The following RB1 variants were observed in gnomAD, a reference collection of about 807,000 sequenced individuals.
The protein encoded by RB1 is RB transcriptional corepressor 1.
RB1 carries 18 observed loss-of-function variants against 135.4 expected under a neutral mutation model. The observed-to-expected ratio is 0.13, with a 90% CI of 0.09 to 0.20. The LOEUF (loss-of-function observed/expected upper bound fraction) is 0.20. Ranked by LOEUF, RB1 falls within the 10% of genes least tolerant of loss-of-function variation. The pLI, the probability that RB1 is intolerant of heterozygous loss-of-function variation, is 1.00. For synonymous variants in RB1, 365 were observed against 373.2 expected (o/e 0.98, Z 0.25); for missense variants, 868 against 1,110.0 (o/e 0.78, Z 3.10).
chr13:48,439,093 G>A (rs769452039), intron 17 of RB1, among the ~76,000 whole-genome samples: 2 of 152,120 alleles, frequency 1.3e-5, no homozygotes, highest in South Asian at 4.1e-4. Context: ...GCAAAGGAAC[G>A]TGACTCCCAT....
At chr13:48,414,888 A>C (rs1948881742) in intron 17 of RB1, among the ~76,000 whole-genome samples, 1 of 152,224 alleles carries the variant, frequency 6.6e-6, no homozygotes, top group African/African-American at 2.4e-5. Flanking sequence ...TGTTCTTATT[A>C]GAAGGCTGGT....
At chr13:48,348,821 C>A in intron 5 of RB1, 135 bp from the exon 6 acceptor site, 4 of 963,340 alleles carry the variant, frequency 4.2e-6, no homozygotes, top group Non-Finnish European at 5.9e-6. Context: ...AAATGGACTG[C>A]ATTCTATTAT....
chr13:48,368,691 A>T, intron 11 of RB1, 87 bp downstream of exon 11: 1 of 1,519,062 alleles, frequency 6.6e-7, no homozygotes, highest in Non-Finnish European at 8.9e-7. Context: ...TTCTTTATGT[A>T]TTCATACATA....
intron 17 of RB1, among the ~76,000 whole-genome samples, chr13:48,413,431 G>T (rs1191593467): frequency 6.6e-6 from 1 of 152,142 alleles, no homozygotes; most frequent in Non-Finnish European, 1.5e-5. Flanking sequence ...TTGTTTTCGT[G>T]TTTGGGATAT....
At chr13:48,320,363 C>A in intron 2 of RB1, 1 of 1,235,048 alleles carries the variant, frequency 8.1e-7, no homozygotes, top group Non-Finnish European at 1.2e-6. Context: ...ACGCTCTCCA[C>A]CCCCTCGTCA....
At chr13:48,472,360 C>G (rs1949476280) in intron 23 of RB1, among the ~76,000 whole-genome samples, 1 of 152,080 alleles carries the variant, frequency 6.6e-6, no homozygotes, top group East Asian at 1.9e-4. Flanking sequence ...TCTCATGTGT[C>G]TCTGTATCAT....
intron 17 of RB1, among the ~76,000 whole-genome samples, chr13:48,444,282 C>T (rs1323780549): frequency 6.6e-6 from 1 of 152,096 alleles, no homozygotes; most frequent in Non-Finnish European, 1.5e-5. Flanking sequence ...TTTGGGAGGT[C>T]GAGGTGGGCA....
At chr13:48,328,711 T>A in intron 2 of RB1, 1 of 448,686 alleles carries the variant, frequency 2.2e-6, no homozygotes, top group Non-Finnish European at 4.1e-6. Flanking sequence ...AAGCCCTAAG[T>A]CTTGTCCTTT....
At chr13:48,426,577 T>C (rs1949082358) in intron 17 of RB1, 1 of 152,228 alleles carries the variant, frequency 6.6e-6, no homozygotes, top group African/African-American at 2.4e-5. Flanking sequence ...AAGTCCACCT[T>C]ACCCCTGTTA....
At chr13:48,415,429 G>A (rs1427666606) in intron 17 of RB1, among the ~76,000 whole-genome samples, 4 of 151,506 alleles carry the variant, frequency 2.6e-5, no homozygotes, top group South Asian at 2.1e-4. Context: ...ATGGGCACCC[G>A]CCACCACACC....
intron 2 of RB1, chr13:48,317,472 C>A: frequency 2.3e-6 from 1 of 437,892 alleles, no homozygotes; most frequent in South Asian, 2.3e-5. Flanking sequence ...GGCTAGGGGT[C>A]AGGAAGCCCC....
chr13:48,472,789 T>C (rs1289179972), intron 23 of RB1, among the ~76,000 whole-genome samples: 1 of 152,178 alleles, frequency 6.6e-6, no homozygotes, highest in South Asian at 2.1e-4. Context: ...ACTAGTTCCA[T>C]GTTCATGTTT....
intron 25 of RB1, among the ~76,000 whole-genome samples, chr13:48,477,135 T>C (rs544372269): frequency 6.6e-6 from 1 of 152,334 alleles, no homozygotes; most frequent in East Asian, 1.9e-4. Context: ...TCTTGAAAAA[T>C]ATTAACCACT....
chr13:48,435,672 T>A (rs1261806948), intron 17 of RB1, among the ~76,000 whole-genome samples: 2 of 152,152 alleles, frequency 1.3e-5, no homozygotes, highest in African/African-American at 2.4e-5. Context: ...CTTAAAAAAT[T>A]ATAGTTTCAC....
Position 48,456,333 on chromosome 13 carries a change from A to C in RB1, c.1944A>C (p.Ser648=). The change falls in exon 19 of 27, where the codon TCA becomes TCC. Residue 648 remains serine (S), a synonymous_variant. Transcript: ENST00000267163. ...AGCCATTGAAATCTACCTCTCTTTC[A>C]CTGTTTTATAAAAAAGGTTAGTAGA... is the stretch of plus-strand genomic sequence containing the variant. ...TQKPLKSTSL[S]LFYKKVYRLA... is the part of the protein sequence containing the mutation. 1 of 1,614,132 alleles carries C rather than the reference A, an allele frequency of 6.2e-7. No homozygotes were observed. Among genetic ancestry groups the C allele is most frequent in the Non-Finnish European group, 8.5e-7 (1 of 1,180,014 alleles).
At chr13:48,359,891 A>C (rs1173004067) in intron 6 of RB1, 126 bp from the exon 7 acceptor site, 2 of 1,373,744 alleles carry the variant, frequency 1.5e-6, no homozygotes, top group African/African-American at 1.5e-5. Flanking sequence ...AAAGAAAGAA[A>C]ATCTTTACCA....
chr13:48,431,697 C>T (rs981410509), intron 17 of RB1, among the ~76,000 whole-genome samples: 1 of 152,126 alleles, frequency 6.6e-6, no homozygotes. Context: ...GACCAAAGGA[C>T]GGCTTCTACA....
chr13:48,307,456 ACAACTT>A (rs754508052), intron 2 of RB1, 50 bp downstream of exon 2: 1 of 1,543,280 alleles, frequency 6.5e-7, no homozygotes, highest in Admixed American at 1.7e-5. Flanking sequence ...CATTTTAAAA[ACAACTT>A]CAAATCACTA....
intron 17 of RB1, 48 bp from the exon 18 acceptor site, chr13:48,452,944 GA>G (rs1300067416): frequency 1.2e-6 from 2 of 1,605,946 alleles, no homozygotes; most frequent in Non-Finnish European, 8.5e-7. Flanking sequence ...ATGTACCTGG[GA>G]AAATTATGCT....
Sources: gnomAD v4.1 joint callset for allele counts (sites outside exome capture counted in the v4.1 genomes callset) on GRCh38, gnomAD v4.1.1 for gene constraint, MANE v1.5 for transcripts, NCBI Gene and HGNC (gene_info 2026-07-23, HGNC 2026-07-21) for gene names.